LUZP2: variants seen among roughly 807,000 people sequenced by gnomAD.
LUZP2 encodes leucine zipper protein 2.
In LUZP2, 52 loss-of-function variants were observed where a neutral mutation model predicts 51.6. That is an observed-to-expected ratio of 1.01 (90% CI 0.81 to 1.27). The LOEUF is 1.27. Ranked by LOEUF, LUZP2 falls within the 50% of genes most tolerant of loss-of-function variation. The pLI, the probability that LUZP2 is intolerant of heterozygous loss-of-function variation, is 0.00. For synonymous variants in LUZP2, 154 were observed against 137.3 expected (o/e 1.12, Z -0.85); for missense variants, 436 against 395.4 (o/e 1.10, Z -0.87).
At chr11:24,638,804 C>G (rs1855187846) in intron 1 of LUZP2, among the ~76,000 whole-genome samples, 2 of 151,284 alleles carry the variant, frequency 1.3e-5, no homozygotes, top group African/African-American at 2.4e-5. Context: ...AAACAAATCT[C>G]AATATAGTAT....
intron 5 of LUZP2, among the ~76,000 whole-genome samples, chr11:24,797,532 G>A (rs997999579): frequency 2.6e-5 from 4 of 152,074 alleles, no homozygotes; most frequent in Non-Finnish European, 5.9e-5. Flanking sequence ...GTACAAGGTC[G>A]GAGAGCAAAT....
At position 24,714,235 on chromosome 11, in the gene LUZP2, A is replaced by T. The variant is rs185568647; in HGVS notation, c.63-14934A>T. On this transcript the variant is annotated intron_variant, in intron 1 of 11. Coordinates refer to ENST00000336930, the MANE Select transcript of LUZP2 (RefSeq NM_001009909.4). ...AGTGATGGGTTGATAGGTGCAGCAA[A>T]CCACCATGGCACACGTATACCTATG... is the stretch of plus-strand genomic sequence containing the variant. 1.5e-3 allele frequency among the ~76,000 whole-genome samples: 221 copies of T among 152,180 alleles called. 1 individual carries two copies. The highest frequency in any genetic ancestry group is 3.5e-3 in the Admixed American group (54 of 15,268).
rs755627984 is a variant in LUZP2 at position 24,983,136 on chromosome 11, T to G, written c.608T>G (p.Met203Arg). The G allele has an allele frequency of 6.2e-7, 1 of 1,611,224 alleles. No homozygotes were observed. The highest frequency in any genetic ancestry group is 8.5e-7 in the Non-Finnish European group (1 of 1,178,390). ...CCTCTTTTTTTGTAGGAGTCACAGA[T>G]GAAAGCAATGAAAGAGACTGTGCAG... Reference protein sequence around the residue: ...EKAALDRESQMKAMKETVQLC... With the variant: ...EKAALDRESQRKAMKETVQLC... Residue 203 changes from methionine to arginine, a missense_variant, in exon 9 of 12, where the codon ATG (methionine) becomes AGG (arginine). By Grantham distance (91) the Met-to-Arg change is moderately conservative. Coordinates refer to ENST00000336930, the MANE Select transcript of LUZP2 (RefSeq NM_001009909.4).
chr11:24,907,472 C>A (rs993722270), intron 6 of LUZP2, among the ~76,000 whole-genome samples: 2 of 151,934 alleles, frequency 1.3e-5, no homozygotes, highest in African/African-American at 4.8e-5. Flanking sequence ...GTTTGTAGAT[C>A]TGATCTAGTG....
At chr11:24,877,659 G>A (rs1163079022) in intron 5 of LUZP2, among the ~76,000 whole-genome samples, 1 of 152,014 alleles carries the variant, frequency 6.6e-6, no homozygotes, top group Non-Finnish European at 1.5e-5. Flanking sequence ...TTGTCACCCT[G>A]TTGTGCTATC....
intron 5 of LUZP2, among the ~76,000 whole-genome samples, chr11:24,788,180 A>ATTTTTTTTTTTTTTTTTTTTTT (rs61308017): frequency 1.2e-5 from 1 of 83,396 alleles, no homozygotes; most frequent in Non-Finnish European, 2.2e-5. Context: ...TTTGTTTTTA[A>ATTTTTTTTTTTTTTTTTTTTTT]TTTTTTTTTT....
At chr11:24,896,729 C>T (rs145104570) in intron 5 of LUZP2, among the ~76,000 whole-genome samples, 24 of 152,316 alleles carry the variant, frequency 1.6e-4, no homozygotes, top group African/African-American at 5.0e-4. Context: ...GGCCCCGGCA[C>T]GGGATCCACT....
intron 5 of LUZP2, among the ~76,000 whole-genome samples, chr11:24,870,221 A>G (rs10767264): frequency 0.15 from 22,446 of 152,118 alleles, 1,740 homozygotes; most frequent in African/African-American, 0.17. Context: ...AAAGCTGAGA[A>G]AGTCCCAATA....
intron 1 of LUZP2, among the ~76,000 whole-genome samples, chr11:24,690,668 C>A (rs948676359): frequency 6.6e-6 from 1 of 151,954 alleles, no homozygotes; most frequent in African/African-American, 2.4e-5. Context: ...GGCTATATAA[C>A]GGAGTATGTG....
chr11:24,648,088 G>A (rs1363744366), intron 1 of LUZP2, among the ~76,000 whole-genome samples: 1 of 151,792 alleles, frequency 6.6e-6, no homozygotes, highest in Non-Finnish European at 1.5e-5. Flanking sequence ...ATCTCTAAGT[G>A]TTAGATTCAT....
In LUZP2 at chr11:24,712,408, T is replaced by TA. The variant is rs538652734; in HGVS notation, c.63-16750dup. Among the ~76,000 whole-genome samples, 110 of 146,206 alleles carry TA rather than the reference T, an allele frequency of 7.5e-4. 1 individual carries two copies. Among genetic ancestry groups the TA allele is most frequent in the Middle Eastern group, 3.5e-3 (1 of 284 alleles). On this transcript the variant is annotated intron_variant, in intron 1 of 11. Transcript: ENST00000336930. ...CTGAGTGACAGAGTGAGATCCTGCC[T>TA]AAAAAAAAAAATGTACTGAGATTAA...
chr11:24,643,737 C>T (rs1010889638), intron 1 of LUZP2, among the ~76,000 whole-genome samples: 1 of 151,992 alleles, frequency 6.6e-6, no homozygotes. Context: ...ATTTAATGCA[C>T]ACATTAGTCA....
chr11:25,040,343 A>ATTTGTTTTTTTTTTTTTT (rs1858011957), intron 9 of LUZP2, among the ~76,000 whole-genome samples: 1 of 98,828 alleles, frequency 1.0e-5, no homozygotes, highest in Non-Finnish European at 1.8e-5. Context: ...TTTCTTTCCG[A>ATTTGTTTTTTTTTTTTTT]TTTTTTTTTT....
At chr11:24,721,800 T>A (rs1858281316) in intron 1 of LUZP2, among the ~76,000 whole-genome samples, 1 of 152,136 alleles carries the variant, frequency 6.6e-6, no homozygotes. Context: ...CTAAAATGTA[T>A]ATGGAAATGC....
intron 5 of LUZP2, among the ~76,000 whole-genome samples, chr11:24,790,034 T>C (rs74944880): frequency 6.6e-5 from 10 of 152,198 alleles, no homozygotes; most frequent in African/African-American, 2.4e-4. Flanking sequence ...CCACCTGTGC[T>C]TTGAATTTAT....
At chr11:24,980,450 A>G (rs146649016) in intron 8 of LUZP2, among the ~76,000 whole-genome samples, 2 of 151,794 alleles carry the variant, frequency 1.3e-5, no homozygotes, top group Non-Finnish European at 2.9e-5. Context: ...TCTAATATAT[A>G]AGATAAAATG....
chr11:24,565,136 A>C (rs1010812251), intron 1 of LUZP2, among the ~76,000 whole-genome samples: 2 of 152,162 alleles, frequency 1.3e-5, no homozygotes, highest in Non-Finnish European at 2.9e-5. Context: ...AAAAATTGGG[A>C]TTGTCACTGA....
rs1209500084 is a variant in LUZP2 at position 24,984,524 on chromosome 11, T to TTATATATATATATATATATA, written c.765+1238_765+1257dup. 3.6e-4 allele frequency among the ~76,000 whole-genome samples: 32 copies of TTATATATATATATATATATA among 90,040 alleles called. 2 individuals carry two copies. In the East Asian group the frequency reaches 4.5e-3, roughly 13 times the overall value. The allele number at this position is 90,040 out of a possible 152,430, so 59.1% of individuals were successfully genotyped here. The stretch of plus-strand genomic sequence containing the variant: ...TGTTTTTATATGTAAATTACATATT[T>TTATATATATATATATATATA]TATATATATATATATATATATATAT... On this transcript the variant is annotated intron_variant, in intron 9 of 11. Transcript: ENST00000336930.
At chr11:24,621,000 A>G (rs901885699) in intron 1 of LUZP2, among the ~76,000 whole-genome samples, 2 of 152,134 alleles carry the variant, frequency 1.3e-5, no homozygotes, top group Admixed American at 1.3e-4. Flanking sequence ...TCTTCCCCTT[A>G]AAACTCCCAT....
Sources: gnomAD v4.1 joint callset for allele counts (sites outside exome capture counted in the v4.1 genomes callset) on GRCh38, gnomAD v4.1.1 for gene constraint, MANE v1.5 for transcripts, NCBI Gene and HGNC (gene_info 2026-07-23, HGNC 2026-07-21) for gene names.